The following NCAM1 variants were observed in gnomAD, a reference collection of about 807,000 sequenced individuals.
NCAM1 encodes neural cell adhesion molecule 1, also known as antigen recognized by monoclonal antibody 5.1H11.
NCAM1 carries 14 observed loss-of-function variants against 109.8 expected under a neutral mutation model. The ratio of observed to expected loss-of-function variants is 0.13; its 90% confidence interval spans 0.08 to 0.20. The LOEUF is 0.20. Ranked by LOEUF, NCAM1 falls within the 10% of genes least tolerant of loss-of-function variation. The probability of loss-of-function intolerance (pLI) is 1.00; values close to 1 mark genes in which losing one functional copy is unlikely to be tolerated. For synonymous variants in NCAM1, 418 were observed against 442.9 expected (o/e 0.94, Z 0.70); for missense variants, 774 against 1,109.9 (o/e 0.70, Z 4.30).
chr11:113,032,683 C>T (rs782007766), intron 1 of NCAM1, among the ~76,000 whole-genome samples: 14 of 152,266 alleles, frequency 9.2e-5, no homozygotes, highest in African/African-American at 1.9e-4. Context: ...ATATTCCTTA[C>T]GCCATTTTTC....
At chr11:113,091,797 A>C (rs1939355958) in intron 1 of NCAM1, among the ~76,000 whole-genome samples, 1 of 152,208 alleles carries the variant, frequency 6.6e-6, no homozygotes, top group Admixed American at 6.5e-5. Context: ...TGGCTTGCCT[A>C]ATAGTCGTGA....
chr11:113,265,685 C>T (rs893502672), intron 17 of NCAM1, among the ~76,000 whole-genome samples: 3 of 152,112 alleles, frequency 2.0e-5, no homozygotes, highest in Non-Finnish European at 4.4e-5. Context: ...TTAGCTGATT[C>T]GAAGGAGCAA....
At chr11:113,173,871 G>A (rs1555106640) in intron 1 of NCAM1, among the ~76,000 whole-genome samples, 1 of 151,950 alleles carries the variant, frequency 6.6e-6, no homozygotes, top group Admixed American at 6.6e-5. Context: ...TGTGCTTTAT[G>A]AGTAAAGATG....
At chr11:113,149,338 C>A (rs964645275) in intron 1 of NCAM1, among the ~76,000 whole-genome samples, 1 of 152,078 alleles carries the variant, frequency 6.6e-6, no homozygotes, top group African/African-American at 2.4e-5. Flanking sequence ...TTCACTGGAG[C>A]GCCACATGCA....
chr11:112,988,482 G>C (rs1217211567), intron 1 of NCAM1, among the ~76,000 whole-genome samples: 1 of 152,032 alleles, frequency 6.6e-6, no homozygotes, highest in Non-Finnish European at 1.5e-5. Context: ...GTGGTGATGA[G>C]CACTCTCAGT....
At chr11:113,164,437 G>A (rs937943068) in intron 1 of NCAM1, among the ~76,000 whole-genome samples, 12 of 152,054 alleles carry the variant, frequency 7.9e-5, no homozygotes, top group Non-Finnish European at 1.8e-4. Context: ...TCAGTCCCAC[G>A]AGACTGCCCT....
rs782439643 is a variant in NCAM1 at position 113,270,222 on chromosome 11, G to C, written c.2166G>C (p.Gly722=). ...NGSPTSGLST[G]AIVGILIVIF... The stretch of plus-strand genomic sequence containing the variant: ...GCCCCACCTCAGGCCTGAGCACCGG[G>C]GCCATCGTGGGCATCCTCATCGTCA... The change falls in exon 18 of 20, where the codon GGG becomes GGC. Residue 722 remains glycine, a synonymous_variant. Transcript: ENST00000316851. 67 of 1,613,840 alleles carry C rather than the reference G, an allele frequency of 4.2e-5. No individual in the cohort carries two copies. The highest frequency in any genetic ancestry group is 5.5e-5 in the Non-Finnish European group (65 of 1,179,894).
At position 113,231,800 on chromosome 11, in the gene NCAM1, G is replaced by C; in HGVS notation, c.1240+5G>C. 6.2e-7 allele frequency: 1 copy of C among 1,613,942 alleles called. No individual in the cohort carries two copies. The highest frequency in any genetic ancestry group is 8.5e-7 in the Non-Finnish European group (1 of 1,179,856). ...CCATGTACCTTGAAGTGCAATGTAAGGAATAAATGGGGAAGGACCTGGGGG... is the reference window on the plus strand; with the variant it reads ...CCATGTACCTTGAAGTGCAATGTAACGAATAAATGGGGAAGGACCTGGGGG... On this transcript the variant is annotated splice_donor_5th_base_variant and intron_variant, in intron 10 of 19. Transcript: ENST00000316851.
intron 1 of NCAM1, among the ~76,000 whole-genome samples, chr11:113,157,824 A>G (rs1366332306): frequency 6.6e-6 from 1 of 152,170 alleles, no homozygotes. Context: ...TTAATAAAAG[A>G]CAACCGATTC....
intron 1 of NCAM1, among the ~76,000 whole-genome samples, chr11:113,164,117 G>A (rs140561649): frequency 1.3e-4 from 20 of 152,188 alleles, no homozygotes; most frequent in Middle Eastern, 3.4e-3. Flanking sequence ...TGCATTTAGC[G>A]CTGTACTCTG....
chr11:113,232,636 T>A, intron 11 of NCAM1, 82 bp from the exon 12 acceptor site: 1 of 1,161,314 alleles, frequency 8.6e-7, no homozygotes, highest in Non-Finnish European at 1.3e-6. Flanking sequence ...TGTTTTTTAC[T>A]AACTTAATTC....
chr11:113,174,556 G>A (rs139693215), intron 1 of NCAM1, among the ~76,000 whole-genome samples: 17 of 152,328 alleles, frequency 1.1e-4, no homozygotes, highest in Non-Finnish European at 1.8e-4. Flanking sequence ...CATTTTGCAC[G>A]TTGGTCCCCT....
intron 1 of NCAM1, 37 bp from the exon 2 acceptor site, chr11:113,202,342 G>A (rs199912330): frequency 2.5e-5 from 28 of 1,142,022 alleles, no homozygotes; most frequent in Non-Finnish European, 3.3e-5. Context: ...GTTTTTTTTT[G>A]TTTTTTGTTT....
intron 8 of NCAM1, among the ~76,000 whole-genome samples, chr11:113,220,628 GAC>G (rs1327639399): frequency 2.0e-5 from 1 of 51,220 alleles, no homozygotes; most frequent in Non-Finnish European, 2.9e-5. Flanking sequence ...TTTTTTTTGA[GAC>G]AGAGTCTCAC....
Position 113,185,079 on chromosome 11 carries a change from T to TATATATATATATATAGAGAG in NCAM1, c.53-17299_53-17298insTATATATATATATAGAGAGA. The stretch of plus-strand genomic sequence containing the variant: ...GTGTGCATTTATATTTATATATATA[T>TATATATATATATATAGAGAG]AGAGAGAGAGAGAGAGAGAGAGAGA... On this transcript the variant is annotated intron_variant, in intron 1 of 19. Transcript: ENST00000316851. Among the ~76,000 whole-genome samples the TATATATATATATATAGAGAG allele has an allele frequency of 1.6e-3, 195 of 125,688 alleles. 1 individual carries two copies. The highest frequency in any genetic ancestry group is 1.7e-3 in the African/African-American group (53 of 31,638). 82.5% of individuals were successfully genotyped at this position (125,688 alleles called of 152,430 possible).
In NCAM1 at chr11:113,090,268, G is replaced by C. The variant is rs116352045; in HGVS notation, c.53-112111G>C. Among the ~76,000 whole-genome samples the C allele has an allele frequency of 9.9e-3, 1,515 of 152,296 alleles. 21 individuals carry two copies. Among genetic ancestry groups the C allele is most frequent in the African/African-American group, 0.034 (1,433 of 41,560 alleles). On this transcript the variant is annotated intron_variant, in intron 1 of 19. Coordinates refer to ENST00000316851, the MANE Select transcript of NCAM1 (RefSeq NM_181351.5). ...TTCAGGTAACATTCATGATGACTTTGTCTTGCATGAATTATTACTTAGAGT... is the reference window on the plus strand; with the variant it reads ...TTCAGGTAACATTCATGATGACTTTCTCTTGCATGAATTATTACTTAGAGT...
intron 1 of NCAM1, among the ~76,000 whole-genome samples, chr11:113,157,601 C>T (rs570828915): frequency 9.2e-5 from 14 of 152,112 alleles, no homozygotes; most frequent in African/African-American, 3.4e-4. Context: ...ACTGAGGACC[C>T]CAAAGATCTT....
intron 1 of NCAM1, among the ~76,000 whole-genome samples, chr11:113,150,478 A>C (rs1441249864): frequency 6.6e-6 from 1 of 152,126 alleles, no homozygotes; most frequent in Non-Finnish European, 1.5e-5. Flanking sequence ...TTTTACTTCC[A>C]AGTTGCTATA....
intron 1 of NCAM1, among the ~76,000 whole-genome samples, chr11:113,127,845 G>C (rs570324838): frequency 6.6e-6 from 1 of 152,110 alleles, no homozygotes; most frequent in South Asian, 2.1e-4. Flanking sequence ...TTGTATGTTG[G>C]GTATGTGGAA....
Sources: allele counts gnomAD v4.1 joint callset (sites outside exome capture counted in the v4.1 genomes callset), GRCh38; gene constraint gnomAD v4.1.1; transcripts MANE v1.5; gene names NCBI Gene and HGNC (gene_info 2026-07-23, HGNC 2026-07-21).